The following THSD7A variants were observed in gnomAD, a reference collection of about 807,000 sequenced individuals.
THSD7A encodes the protein thrombospondin type-1 domain-containing protein 7A.
In THSD7A, 96 loss-of-function variants were observed where a neutral mutation model predicts 231.3. The ratio of observed to expected loss-of-function variants is 0.41; its 90% CI spans 0.35 to 0.49. The LOEUF is 0.49. Among genes scored for constraint, THSD7A ranks in the 20% least tolerant of loss-of-function variants. The pLI, the probability that THSD7A is intolerant of heterozygous loss-of-function variation, is 0.05. For missense variants in THSD7A, 2,290 were observed against 2,070.2 expected, an observed-to-expected ratio of 1.11 and a Z score of -2.06; for synonymous variants, 940 against 743.3, an observed-to-expected ratio of 1.26 and a Z score of -4.30.
chr7:11,820,873 C>A (rs1784854212), intron 1 of THSD7A: 1 of 902,300 alleles, frequency 1.1e-6, no homozygotes, highest in Non-Finnish European at 1.8e-6. Context: ...GCTGACCTTT[C>A]CCTCGAGTGG....
chr7:11,781,035 A>AAAAAAAAAAAAAAAAAAT (rs1185567161), intron 1 of THSD7A, among the ~76,000 whole-genome samples: 1 of 133,702 alleles, frequency 7.5e-6, no homozygotes, highest in Non-Finnish European at 1.6e-5. Context: ...AAAAAAAAAA[A>AAAAAAAAAAAAAAAAAAT]AAATTTATAG....
At position 11,411,110 on chromosome 7, in the gene THSD7A, C is replaced by T. The variant is rs974438656; in HGVS notation, c.3798+97G>A. 4.9e-6 allele frequency: 4 copies of T among 813,556 alleles called. No homozygotes were observed. The East Asian group carries it at 1.0e-4, about 21-fold the overall frequency. The allele number at this position is 813,556 out of a possible 1,614,324, so 50.4% of individuals were successfully genotyped here. On this transcript the variant is annotated intron_variant, in intron 19 of 27. Transcript: ENST00000423059. The surrounding 1 kb of genome is among the most constrained non-coding windows in gnomAD (Gnocchi z 4.1). ...AACAGTGCAGAAAAACATCTGCTGGCAATGAGCTGCATGGAGCACGGGTCA... is the reference window on the plus strand; with the variant it reads ...AACAGTGCAGAAAAACATCTGCTGGTAATGAGCTGCATGGAGCACGGGTCA...
In THSD7A at chr7:11,417,491, A is replaced by C. The variant is rs1280283412; in HGVS notation, c.3496T>G (p.Cys1166Gly). The C allele has an allele frequency of 6.2e-7, 1 of 1,612,412 alleles. No individual in the cohort carries two copies. The highest frequency in any genetic ancestry group is 1.1e-5 in the South Asian group (1 of 90,698). ...RVCKLPCPED[C>G]VISEWGPWTQ... ...CATGGACCCCATTCAGATATCACAC[A>C]GTCCTCAGGGCATGGTAATTTGCAC... Residue 1166 changes from cysteine to glycine, a missense_variant, in exon 17 of 28, where the codon TGT (cysteine) becomes GGT (glycine). Coordinates refer to ENST00000423059, the MANE Select transcript of THSD7A (RefSeq NM_015204.3).
intron 13 of THSD7A, among the ~76,000 whole-genome samples, chr7:11,438,455 C>G (rs542766628): frequency 6.6e-6 from 1 of 151,990 alleles, no homozygotes; most frequent in Admixed American, 6.6e-5. Context: ...CACTTTGAAT[C>G]CTACAGATGC....
At chr7:11,453,742 A>G (rs1416921534) in intron 11 of THSD7A, among the ~76,000 whole-genome samples, 1 of 152,058 alleles carries the variant, frequency 6.6e-6, no homozygotes, top group Non-Finnish European at 1.5e-5. Flanking sequence ...ACTTTTAAAA[A>G]TTCTACTCTT....
chr7:11,714,468 G>A lies in THSD7A; in HGVS notation c.191-77507C>T, dbSNP rs115291167. Among the ~76,000 whole-genome samples, 747 of 151,292 alleles carry A rather than the reference G, an allele frequency of 4.9e-3. 7 individuals are homozygous for A. Among genetic ancestry groups the A allele is most frequent in the African/African-American group, 0.017 (722 of 41,428 alleles). Reference sequence around the variant, plus strand: ...TCCATTTTGTATAGATTGAGCTACTGAGACATTTCTCAGGAGCTCTTGTAA... The same window carrying A: ...TCCATTTTGTATAGATTGAGCTACTAAGACATTTCTCAGGAGCTCTTGTAA... On this transcript the variant is annotated intron_variant, in intron 1 of 27. Coordinates refer to ENST00000423059, the MANE Select transcript of THSD7A (RefSeq NM_015204.3).
At chr7:11,795,526 C>A (rs1245279319) in intron 1 of THSD7A, among the ~76,000 whole-genome samples, 1 of 151,834 alleles carries the variant, frequency 6.6e-6, no homozygotes, top group Non-Finnish European at 1.5e-5. Flanking sequence ...AAATCTAGTA[C>A]AATTTGTAGG....
rs1173869076 is a variant in THSD7A, at chr7:11,637,060, T to C, written c.191-99A>G. 1.8e-6 allele frequency: 2 copies of C among 1,086,776 alleles called. No homozygotes were observed. Among genetic ancestry groups the C allele is most frequent in the Non-Finnish European group, 2.6e-6 (2 of 762,424 alleles). 67.3% of individuals were successfully genotyped at this position (1,086,776 alleles called of 1,614,324 possible). On this transcript the variant is annotated intron_variant, in intron 1 of 27. Transcript: ENST00000423059. The surrounding 1 kb of genome is among the most constrained non-coding windows in gnomAD (Gnocchi z 4.2). ...ACCTTTCAAGACCTAGTACATTAAC[T>C]TCCCTGCGGTGTTACAAAGTAGGTC...
chr7:11,737,770 C>T (rs1490993446), intron 1 of THSD7A, among the ~76,000 whole-genome samples: 1 of 151,758 alleles, frequency 6.6e-6, no homozygotes, highest in Non-Finnish European at 1.5e-5. Flanking sequence ...CAAAAGATAC[C>T]CACAGATCTA....
intron 1 of THSD7A, among the ~76,000 whole-genome samples, chr7:11,680,813 A>T (rs1412286570): frequency 6.6e-6 from 1 of 152,166 alleles, no homozygotes; most frequent in Non-Finnish European, 1.5e-5. Flanking sequence ...AGGATCTAGA[A>T]CCAGAAATAC....
chr7:11,605,123 T>A (rs1780691954), intron 2 of THSD7A, among the ~76,000 whole-genome samples: 1 of 152,118 alleles, frequency 6.6e-6, no homozygotes, highest in Admixed American at 6.6e-5. Context: ...TTGAAAATGC[T>A]TTACTTAGAA....
chr7:11,401,955 C>T lies in THSD7A; in HGVS notation c.4251G>A (p.Leu1417=), dbSNP rs749742609. The T allele has an allele frequency of 1.4e-5, 22 of 1,612,638 alleles. No individual in the cohort carries two copies. The highest frequency in any genetic ancestry group is 1.9e-5 in the Non-Finnish European group (22 of 1,179,482). Reference sequence around the variant, plus strand: ...ACAGGCTCCAGGAAGACCAGTCCTTCAAATAACAGTCACCTGTAAAACACA... The same window carrying T: ...ACAGGCTCCAGGAAGACCAGTCCTTTAAATAACAGTCACCTGTAAAACACA... ...CSQPCPGDCY[L]KDWSSWSLCQ... The change falls in exon 23 of 28, where the codon TTG becomes TTA. Residue 1417 remains leucine, a synonymous_variant. Coordinates refer to ENST00000423059, the MANE Select transcript of THSD7A (RefSeq NM_015204.3).
At chr7:11,810,893 A>G (rs1455121600) in intron 1 of THSD7A, among the ~76,000 whole-genome samples, 5 of 152,172 alleles carry the variant, frequency 3.3e-5, no homozygotes, top group African/African-American at 9.7e-5. Context: ...AAAGCACACA[A>G]TTAAATTAGG....
intron 1 of THSD7A, among the ~76,000 whole-genome samples, chr7:11,709,827 C>A (rs1393929878): frequency 1.3e-5 from 2 of 150,692 alleles, no homozygotes. Flanking sequence ...GAAATTCCTG[C>A]CAGTTAAAGC....
At chr7:11,686,083 C>G (rs1780043273) in intron 1 of THSD7A, among the ~76,000 whole-genome samples, 1 of 151,818 alleles carries the variant, frequency 6.6e-6, no homozygotes, top group Non-Finnish European at 1.5e-5. Context: ...AACACAGAAA[C>G]AGAAACCCAA....
intron 6 of THSD7A, among the ~76,000 whole-genome samples, chr7:11,520,942 C>T (rs578212222): frequency 1.3e-5 from 2 of 152,090 alleles, no homozygotes; most frequent in Admixed American, 6.6e-5. Context: ...AATATGCAGA[C>T]CACCAGTCTA....
Position 11,424,534 on chromosome 7 carries a change from C to G in THSD7A, c.3383+162G>C, listed in dbSNP as rs544252522. On this transcript the variant is annotated intron_variant, in intron 16 of 27. Transcript: ENST00000423059. ...GAATATAATAAACTGCTGCTTGAAG[C>G]AGATTCTCTTAGAGTTTTCTATGAG... Among the ~76,000 whole-genome samples the G allele has an allele frequency of 5.3e-5, 8 of 152,288 alleles. 1 individual carries two copies. The South Asian group carries it at 1.7e-3, about 32-fold the overall frequency.
chr7:11,436,615 T>A (rs1190841244), intron 13 of THSD7A, among the ~76,000 whole-genome samples: 1 of 152,006 alleles, frequency 6.6e-6, no homozygotes, highest in African/African-American at 2.4e-5. Context: ...TAGATTATAA[T>A]TGGAATGCTT....
intron 1 of THSD7A, among the ~76,000 whole-genome samples, chr7:11,754,715 T>G (rs1427341022): frequency 6.6e-6 from 1 of 152,138 alleles, no homozygotes; most frequent in African/African-American, 2.4e-5. Context: ...AATGGCCATA[T>G]AATGTATTTC....
Sources: gnomAD v4.1 joint callset for allele counts (sites outside exome capture counted in the v4.1 genomes callset) on GRCh38, gnomAD v4.1.1 for gene constraint, Gnocchi (gnomAD v3.1) non-coding constraint, MANE v1.5 for transcripts, NCBI Gene and HGNC (gene_info 2026-07-23, HGNC 2026-07-21) for gene names.